NOSTRIN: variants seen among roughly 807,000 people sequenced by gnomAD.
NOSTRIN encodes the protein nitric oxide synthase trafficking.
Under a neutral mutation model 59.0 loss-of-function variants are expected in NOSTRIN, and 63 were observed. The observed-to-expected ratio is 1.07, with a 90% CI of 0.87 to 1.32. The LOEUF is 1.32. Ranked by LOEUF, NOSTRIN falls within the 40% of genes most tolerant of loss-of-function variation. The pLI is 0.00. For missense variants in NOSTRIN, 512 were observed against 473.1 expected, an observed-to-expected ratio of 1.08 and a Z score of -0.76; for synonymous variants, 200 against 165.4, an observed-to-expected ratio of 1.21 and a Z score of -1.61.
chr2:168,829,245 C>T (rs1010123655), intron 5 of NOSTRIN, among the ~76,000 whole-genome samples: 13 of 151,978 alleles, frequency 8.6e-5, no homozygotes, highest in Non-Finnish European at 1.8e-4. Context: ...CCTTCTAGAA[C>T]AGTTTTTCTT....
chr2:168,863,936 A>C (rs1439280635), intron 15 of NOSTRIN, among the ~76,000 whole-genome samples: 1 of 151,806 alleles, frequency 6.6e-6, no homozygotes, highest in African/African-American at 2.4e-5. Flanking sequence ...TTTGAGGCAG[A>C]GTCTTGCTCT....
chr2:168,864,363 T>G (rs990725426), intron 15 of NOSTRIN, among the ~76,000 whole-genome samples: 1 of 151,446 alleles, frequency 6.6e-6, no homozygotes, highest in African/African-American at 2.4e-5. Flanking sequence ...CTCAGCTCAC[T>G]GCAACCTCTG....
intron 2 of NOSTRIN, among the ~76,000 whole-genome samples, chr2:168,789,793 A>G (rs1351126399): frequency 6.6e-6 from 1 of 152,208 alleles, no homozygotes; most frequent in African/African-American, 2.4e-5. Context: ...GCTGGTACAA[A>G]CTGAAAGTCA....
intron 8 of NOSTRIN, among the ~76,000 whole-genome samples, chr2:168,850,650 T>C (rs1396914049): frequency 1.3e-5 from 2 of 151,210 alleles, no homozygotes; most frequent in African/African-American, 2.4e-5. Flanking sequence ...CGGTGGCTCA[T>C]GCCTGTAATC....
At chr2:168,857,344 A>AG (rs1491464902) in intron 12 of NOSTRIN, among the ~76,000 whole-genome samples, 1 of 151,932 alleles carries the variant, frequency 6.6e-6, no homozygotes, top group African/African-American at 2.4e-5. Context: ...GGAGAATAAC[A>AG]GGGGAAAGGA....
chr2:168,797,865 T>C (rs562827804), upstream of NOSTRIN, among the ~76,000 whole-genome samples: 3 of 152,198 alleles, frequency 2.0e-5, no homozygotes, highest in South Asian at 4.1e-4. Flanking sequence ...ATAATACATA[T>C]CTACCTCAAA....
At chr2:168,813,342 G>A (rs1318669620) in intron 2 of NOSTRIN, among the ~76,000 whole-genome samples, 2 of 152,160 alleles carry the variant, frequency 1.3e-5, no homozygotes, top group East Asian at 3.9e-4. Flanking sequence ...AGAGAGCTGT[G>A]AAGATAGAAG....
At chr2:168,863,970 G>A (rs1018661854) in intron 15 of NOSTRIN, among the ~76,000 whole-genome samples, 1 of 151,790 alleles carries the variant, frequency 6.6e-6, no homozygotes, top group Non-Finnish European at 1.5e-5. Flanking sequence ...CAGTACAGTG[G>A]TGTGATCTTA....
At position 168,828,201 on chromosome 2, in the gene NOSTRIN, T is replaced by C; in HGVS notation, c.241T>C (p.Ser81Pro). The C allele has an allele frequency of 1.1e-6, 1 of 872,910 alleles. No individual in the cohort carries two copies. The allele number at this position is 872,910 out of a possible 1,614,324, so 54.1% of individuals were successfully genotyped here. A position where few individuals can be genotyped will look rare whatever the true frequency, so the allele number is the denominator to read the frequency against. ...AWAWASEGMK[S>P]TADLHQKLGK... is the part of the protein sequence containing the mutation. ...GGCCTGGGCCTCAGAGGGAATGAAA[T>C]CCACAGCGGACCTGCATCAGTGAGT... The change falls in exon 4 of 16, where the codon TCC becomes CCC. Residue 81 changes from serine (S) to proline (P), a missense_variant. Ser to Pro is a moderately conservative substitution (Grantham distance 74). Coordinates refer to ENST00000317647, the MANE Select transcript of NOSTRIN (RefSeq NM_001039724.4).
chr2:168,809,986 T>G (rs564226460), intron 1 of NOSTRIN, among the ~76,000 whole-genome samples: 51 of 152,094 alleles, frequency 3.4e-4, no homozygotes, highest in Admixed American at 8.5e-4. Flanking sequence ...AAAATCATGT[T>G]TCGGATGCAA....
rs543008974 is a variant in NOSTRIN, at chr2:168,804,962, A to G, written c.27+2289A>G. Among the ~76,000 whole-genome samples the G allele has an allele frequency of 1.2e-3, 178 of 152,334 alleles. 1 individual carries two copies. Among genetic ancestry groups the G allele is most frequent in the African/African-American group, 4.1e-3 (172 of 41,576 alleles). ...AATATTTACATTCACCCTGACTTCAAAATGTTGGTAATACTTAAGATATGT... is the reference window on the plus strand; with the variant it reads ...AATATTTACATTCACCCTGACTTCAGAATGTTGGTAATACTTAAGATATGT... On this transcript the variant is annotated intron_variant, in intron 1 of 15. Coordinates refer to ENST00000317647, the MANE Select transcript of NOSTRIN (RefSeq NM_001039724.4).
chr2:168,811,803 A>T lies in NOSTRIN; in HGVS notation c.113+151A>T, dbSNP rs1427187651. The T allele has an allele frequency of 1.5e-5, 7 of 473,706 alleles. No homozygotes were observed. The East Asian group carries it at 2.2e-4, about 15-fold the overall frequency. The allele number at this position is 473,706 out of a possible 1,614,324, so 29.3% of individuals were successfully genotyped here. Reference sequence around the variant, plus strand: ...ATTGCTTGAAGAGTGATTCTCCCCTATTGCACATTTATCAACTGGATGCCA... The same window carrying T: ...ATTGCTTGAAGAGTGATTCTCCCCTTTTGCACATTTATCAACTGGATGCCA... On this transcript the variant is annotated intron_variant, in intron 2 of 15. Transcript: ENST00000317647.
At chr2:168,798,797 C>CGATT (rs1559099900), upstream of NOSTRIN, among the ~76,000 whole-genome samples, 45 of 23,152 alleles carry the variant, frequency 1.9e-3, no homozygotes, top group Admixed American at 5.2e-3. Context: ...GGAGATGCTT[C>CGATT]GATCGATCGA....
chr2:168,836,589 G>T (rs1472219820), intron 7 of NOSTRIN, among the ~76,000 whole-genome samples: 1 of 152,120 alleles, frequency 6.6e-6, no homozygotes, highest in African/African-American at 2.4e-5. Context: ...CTGGTTTCCT[G>T]CTCAGCAGTC....
intron 5 of NOSTRIN, among the ~76,000 whole-genome samples, chr2:168,830,709 A>G (rs954316661): frequency 6.6e-6 from 1 of 152,220 alleles, no homozygotes; most frequent in Non-Finnish European, 1.5e-5. Flanking sequence ...TATGATTAAG[A>G]GTTCAATATC....
In NOSTRIN at chr2:168,864,833, G is replaced by A. The variant is rs773303748; in HGVS notation, c.1385-1G>A. 41 of 1,613,630 alleles carry A rather than the reference G, an allele frequency of 2.5e-5. No individual in the cohort carries two copies. The highest frequency in any genetic ancestry group is 3.2e-5 in the Non-Finnish European group (38 of 1,179,794). On this transcript the variant is annotated splice_acceptor_variant, in intron 15 of 15. Coordinates refer to ENST00000317647, the MANE Select transcript of NOSTRIN (RefSeq NM_001039724.4). LOFTEE classifies it high-confidence loss of function. Reference sequence around the variant, plus strand: ...CCATTTGTCTAACTGTATTTTCACAGGTGACATTGTGATTATACACGAGAA... The same window carrying A: ...CCATTTGTCTAACTGTATTTTCACAAGTGACATTGTGATTATACACGAGAA...
chr2:168,801,493 G>T (rs1257528902), upstream of NOSTRIN, among the ~76,000 whole-genome samples: 3 of 152,134 alleles, frequency 2.0e-5, no homozygotes, highest in Non-Finnish European at 4.4e-5. Context: ...AAAGTGCTTG[G>T]ATTACATGCA....
chr2:168,815,278 T>C (rs1245714802), intron 2 of NOSTRIN, among the ~76,000 whole-genome samples: 1 of 152,212 alleles, frequency 6.6e-6, no homozygotes, highest in African/African-American at 2.4e-5. Flanking sequence ...AGCTTCTTTT[T>C]TTGCAGTAGC....
At chr2:168,805,585 G>C (rs776690556) in intron 1 of NOSTRIN, among the ~76,000 whole-genome samples, 1 of 152,192 alleles carries the variant, frequency 6.6e-6, no homozygotes, top group Non-Finnish European at 1.5e-5. Flanking sequence ...GTAACAAGCT[G>C]TAGCCAAATT....
Sources: allele counts gnomAD v4.1 joint callset (sites outside exome capture counted in the v4.1 genomes callset), GRCh38; gene constraint gnomAD v4.1.1; transcripts MANE v1.5; gene names NCBI Gene and HGNC (gene_info 2026-07-23, HGNC 2026-07-21).